SOX5: variants seen among roughly 807,000 people sequenced by gnomAD.
SOX5 encodes SRY-box transcription factor 5.
SOX5 carries 9 observed loss-of-function variants against 92.0 expected under a neutral mutation model. That is an observed-to-expected ratio of 0.10 (90% CI 0.06 to 0.17). The LOEUF is 0.17. SOX5 is among the 10% of genes least tolerant of loss of function. SOX5 has a pLI of 1.00. For missense variants in SOX5, 642 were observed against 944.5 expected (o/e 0.68, Z 4.20); for synonymous variants, 344 against 336.3 (o/e 1.02, Z -0.25).
In SOX5 at chr12:23,653,682, G is replaced by A. The variant is rs375643476; in HGVS notation, c.931+11762C>T. On this transcript the variant is annotated intron_variant, in intron 7 of 14. Transcript: ENST00000451604. Reference sequence around the variant, plus strand: ...TGAATAAATGGTGCATTCTTTCTGTGTCCTCACACTGTAGAAGGAGCAAGG... The same window carrying A: ...TGAATAAATGGTGCATTCTTTCTGTATCCTCACACTGTAGAAGGAGCAAGG... Among the ~76,000 whole-genome samples, 6 of 152,174 alleles carry A rather than the reference G, an allele frequency of 3.9e-5. No individual in the cohort carries two copies. In the East Asian group the frequency reaches 7.7e-4, roughly 20 times the overall value.
At chr12:23,971,645 A>T (rs565930475) in intron 4 of SOX5, among the ~76,000 whole-genome samples, 1 of 151,922 alleles carries the variant, frequency 6.6e-6, no homozygotes, top group East Asian at 1.9e-4. Context: ...ATATGTATAT[A>T]TCATAGTTAT....
intron 8 of SOX5, among the ~76,000 whole-genome samples, chr12:23,619,099 GT>G (rs1025065668): frequency 1.3e-5 from 2 of 152,016 alleles, no homozygotes; most frequent in Non-Finnish European, 2.9e-5. Flanking sequence ...CATATGAGAG[GT>G]TTTAAAAAAG....
At chr12:24,073,742 T>C (rs1051808660) in intron 4 of SOX5, among the ~76,000 whole-genome samples, 3 of 152,222 alleles carry the variant, frequency 2.0e-5, no homozygotes, top group East Asian at 1.9e-4. Flanking sequence ...TTTAACCTTT[T>C]ACCTAGCACA....
chr12:24,041,634 C>A (rs2136999929), intron 4 of SOX5, among the ~76,000 whole-genome samples: 1 of 152,278 alleles, frequency 6.6e-6, no homozygotes, highest in African/African-American at 2.4e-5. Context: ...ACTTTCCAAA[C>A]TGTTTCCATG....
chr12:24,297,888 T>C (rs186394379), intron 2 of SOX5, among the ~76,000 whole-genome samples: 2 of 152,328 alleles, frequency 1.3e-5, no homozygotes, highest in Non-Finnish European at 2.9e-5. Context: ...TTCTACTCCC[T>C]ATTTCCTTAA....
At chr12:23,808,230 A>C (rs2095816059) in intron 3 of SOX5, among the ~76,000 whole-genome samples, 1 of 152,048 alleles carries the variant, frequency 6.6e-6, no homozygotes, top group Non-Finnish European at 1.5e-5. Flanking sequence ...AATCAAAGTT[A>C]ACTCTGTATT....
At chr12:23,540,082 G>A (rs2135959310) in intron 13 of SOX5, among the ~76,000 whole-genome samples, 2 of 140,658 alleles carry the variant, frequency 1.4e-5, no homozygotes, top group East Asian at 4.3e-4. Context: ...AAAATATTTT[G>A]GATAAACAAC....
intron 4 of SOX5, among the ~76,000 whole-genome samples, chr12:24,194,602 A>G (rs960199762): frequency 6.6e-6 from 1 of 152,166 alleles, no homozygotes; most frequent in Non-Finnish European, 1.5e-5. Flanking sequence ...TTACTAAAAC[A>G]TTAGAAGTCA....
At position 24,393,886 on chromosome 12, in the gene SOX5, A is replaced by G. The variant is rs1015151477; in HGVS notation, c.-250-25247T>C. 7.9e-5 allele frequency among the ~76,000 whole-genome samples: 12 copies of G among 152,242 alleles called. No individual in the cohort carries two copies. In the East Asian group the frequency reaches 1.7e-3, roughly 22 times the overall value. The stretch of plus-strand genomic sequence containing the variant: ...GCAAAAGAGAAAAGACTAATTTTAC[A>G]TAGAATGGTTTGTATGCACACCTAC... On this transcript the variant is annotated intron_variant, in intron 1 of 4. Transcript: ENST00000446891. This position sits in a 1 kb window ranked among gnomAD's most constrained non-coding sequence, Gnocchi z 5.0.
rs74067972 is a variant in SOX5 at position 23,856,843 on chromosome 12, A to G, written c.271-10650T>C. ...AATGCTAGAAATCAAAGAAAAATGG[A>G]AAACTTCTTATCATAGTACTAATCA... On this transcript the variant is annotated intron_variant, in intron 2 of 14. Transcript: ENST00000451604. 4.9e-3 allele frequency among the ~76,000 whole-genome samples: 741 copies of G among 152,264 alleles called. 7 individuals are homozygous for G. The highest frequency in any genetic ancestry group is 0.017 in the African/African-American group (708 of 41,558).
At chr12:23,940,058 T>G (rs993286924) in intron 1 of SOX5, among the ~76,000 whole-genome samples, 1 of 151,224 alleles carries the variant, frequency 6.6e-6, no homozygotes, top group Non-Finnish European at 1.5e-5. Flanking sequence ...TTTTCTTTTC[T>G]TTTATCCTTA....
At chr12:23,708,133 A>C (rs900568473) in intron 6 of SOX5, among the ~76,000 whole-genome samples, 1 of 152,126 alleles carries the variant, frequency 6.6e-6, no homozygotes, top group African/African-American at 2.4e-5. Flanking sequence ...AATGGTAAAT[A>C]CTATAGAGGT....
At chr12:23,636,849 A>T (rs969441283) in intron 8 of SOX5, among the ~76,000 whole-genome samples, 3 of 152,212 alleles carry the variant, frequency 2.0e-5, no homozygotes, top group Admixed American at 2.0e-4. Context: ...AGTCTCCTGT[A>T]CTTGAAGAAG....
intron 9 of SOX5, among the ~76,000 whole-genome samples, chr12:23,597,140 A>T (rs551509140): frequency 6.6e-6 from 1 of 152,190 alleles, no homozygotes; most frequent in Non-Finnish European, 1.5e-5. Context: ...ATTATTAAAA[A>T]GCTTTGACAT....
rs999267288 is a variant in SOX5, at chr12:23,529,868, A to ATTT, written c.*4348_*4350dup. On this transcript the variant is annotated 3_prime_UTR_variant, in exon 15 of 15. Coordinates refer to ENST00000451604, the MANE Select transcript of SOX5 (RefSeq NM_006940.6). ...CCAGGCATTTGATTGTCTCTTTTCT[A>ATTT]TTTTTTTTCCATTTTTACTTGTAAA... 2 of 151,834 alleles carry ATTT rather than the reference A, an allele frequency of 1.3e-5. No individual in the cohort carries two copies. The highest frequency in any genetic ancestry group is 2.9e-5 in the Non-Finnish European group (2 of 67,958). The allele number at this position is 151,834 out of a possible 1,614,324, so 9.4% of individuals were successfully genotyped here.
intron 11 of SOX5, among the ~76,000 whole-genome samples, chr12:23,547,132 T>C (rs774401281): frequency 2.6e-5 from 4 of 152,142 alleles, no homozygotes; most frequent in Non-Finnish European, 5.9e-5. Flanking sequence ...ATGGAGAACA[T>C]AGCATTTCAA....
intron 11 of SOX5, among the ~76,000 whole-genome samples, chr12:23,559,997 G>A (rs1010655217): frequency 6.6e-6 from 1 of 151,842 alleles, no homozygotes; most frequent in Non-Finnish European, 1.5e-5. Flanking sequence ...TGCAACCTCC[G>A]CCTCCAGGTT....
chr12:24,100,448 C>T (rs1035360730), intron 4 of SOX5, among the ~76,000 whole-genome samples: 11 of 152,116 alleles, frequency 7.2e-5, no homozygotes, highest in Non-Finnish European at 1.3e-4. Flanking sequence ...ATTGACTCTG[C>T]CATTCTCTCC....
intron 4 of SOX5, among the ~76,000 whole-genome samples, chr12:23,983,101 G>C (rs1335526192): frequency 1.7e-5 from 2 of 118,650 alleles, no homozygotes; most frequent in Admixed American, 8.6e-5. Flanking sequence ...GGGATCTGGA[G>C]TCCATTTTTT....
Sources: gnomAD v4.1 joint callset for allele counts (sites outside exome capture counted in the v4.1 genomes callset) on GRCh38, gnomAD v4.1.1 for gene constraint, Gnocchi (gnomAD v3.1) non-coding constraint, MANE v1.5 for transcripts, NCBI Gene and HGNC (gene_info 2026-07-23, HGNC 2026-07-21) for gene names.